The following MAML1 variants were observed in gnomAD, a reference collection of about 807,000 sequenced individuals.
MAML1 encodes mastermind-like protein 1.
Under a neutral mutation model 77.1 loss-of-function variants are expected in MAML1, and 14 were observed. That is an observed-to-expected ratio of 0.18 (90% CI 0.12 to 0.28). The LOEUF (loss-of-function observed/expected upper bound fraction) is 0.28, where lower values mean the gene tolerates loss of function less well. MAML1 is among the 10% of genes least tolerant of loss of function. The probability of loss-of-function intolerance (pLI) is 1.00; values close to 1 mark genes in which losing one functional copy is unlikely to be tolerated. For missense variants in MAML1, 1,217 were observed against 1,327.8 expected (o/e 0.92, Z 1.30); for synonymous variants, 516 against 551.9 (o/e 0.93, Z 0.91).
intron 1 of MAML1, among the ~76,000 whole-genome samples, chr5:179,764,667 A>T (rs933246822): frequency 6.6e-6 from 1 of 150,846 alleles, no homozygotes; most frequent in Non-Finnish European, 1.5e-5. Flanking sequence ...TCTCAAAAAA[A>T]AAAAAAGTGA....
At chr5:179,738,664 C>A (rs925110904) in intron 1 of MAML1, among the ~76,000 whole-genome samples, 1 of 152,196 alleles carries the variant, frequency 6.6e-6, no homozygotes, top group Non-Finnish European at 1.5e-5. Context: ...CTTTGCCCTT[C>A]CCACTTGAAC....
At chr5:179,738,462 G>A (rs567340322) in intron 1 of MAML1, among the ~76,000 whole-genome samples, 2 of 152,274 alleles carry the variant, frequency 1.3e-5, no homozygotes, top group Non-Finnish European at 2.9e-5. Flanking sequence ...GATGATCAGT[G>A]TGGCTTTAGG....
At chr5:179,754,888 CAGAA>C (rs939355794) in intron 1 of MAML1, among the ~76,000 whole-genome samples, 23 of 152,244 alleles carry the variant, frequency 1.5e-4, no homozygotes, top group African/African-American at 3.9e-4. Context: ...ATTTGAAGGA[CAGAA>C]AGTCTCAGAT....
intron 1 of MAML1, among the ~76,000 whole-genome samples, chr5:179,747,549 G>A (rs988892432): frequency 2.6e-5 from 4 of 152,218 alleles, no homozygotes; most frequent in East Asian, 1.9e-4. Flanking sequence ...GGTGGCTCAT[G>A]CCTGTAATCC....
intron 1 of MAML1, among the ~76,000 whole-genome samples, chr5:179,737,918 TC>T (rs1779203853): frequency 6.6e-6 from 1 of 152,228 alleles, no homozygotes; most frequent in South Asian, 2.1e-4. Flanking sequence ...CACCTCAGCC[TC>T]CTGAGTAGCT....
At chr5:179,767,118 T>TTTTTTTTTTTTTTTTTTTTTTTTA (rs1554151840) in intron 2 of MAML1, among the ~76,000 whole-genome samples, 1 of 128,552 alleles carries the variant, frequency 7.8e-6, no homozygotes. Flanking sequence ...TTTTTTTTTT[T>TTTTTTTTTTTTTTTTTTTTTTTTA]ACTACCTTTC....
At chr5:179,733,651 G>T (rs1779113402) in intron 1 of MAML1, among the ~76,000 whole-genome samples, 2 of 152,266 alleles carry the variant, frequency 1.3e-5, no homozygotes, top group African/African-American at 2.4e-5. Context: ...CCTTGCAGGA[G>T]GCCCGACCTG....
Position 179,777,050 on chromosome 5 carries a change from T to G in MAML1, c.*2173T>G, listed in dbSNP as rs1005050903. On this transcript the variant is annotated 3_prime_UTR_variant, in exon 5 of 5. Coordinates refer to ENST00000292599, the MANE Select transcript of MAML1 (RefSeq NM_014757.5). The stretch of plus-strand genomic sequence containing the variant: ...CTAGAGCTTCCAACTGTATATTTTT[T>G]ACTTTTATAGATTTTAAAACTATGA... 3 of 983,574 alleles carry G rather than the reference T, an allele frequency of 3.1e-6. No individual in the cohort carries two copies. Among genetic ancestry groups the G allele is most frequent in the East Asian group, 2.3e-4 (2 of 8,822 alleles). 60.9% of individuals were successfully genotyped at this position (983,574 alleles called of 1,614,324 possible). A position where few individuals can be genotyped will look rare whatever the true frequency, so the allele number is the denominator to read the frequency against.
At chr5:179,761,812 G>A (rs1183943500) in intron 1 of MAML1, among the ~76,000 whole-genome samples, 2 of 152,202 alleles carry the variant, frequency 1.3e-5, no homozygotes, top group Non-Finnish European at 2.9e-5. Context: ...ACAGTAGGAA[G>A]ATCATTGCTG....
intron 1 of MAML1, among the ~76,000 whole-genome samples, chr5:179,761,255 A>G (rs374666396): frequency 6.6e-6 from 1 of 151,772 alleles, no homozygotes; most frequent in East Asian, 1.9e-4. Flanking sequence ...TTAGCCAGTT[A>G]TGGTGGTTCA....
At position 179,765,505 on chromosome 5, in the gene MAML1, C is replaced by G. The variant is rs754468218; in HGVS notation, c.495C>G (p.Asp165Glu). ...CAGCCTCCCCCCTCGGTCAGTCTGA[C>G]AAGCCTTCTGGAGCCGACGCCCTGC... ...LPPASPLGQS[D>E]KPSGADALQS... The change falls in exon 2 of 5, where the codon GAC (aspartate) becomes GAG (glutamate). Residue 165 changes from aspartate to glutamate, a missense_variant. By Grantham distance (45) the Asp-to-Glu change is conservative (BLOSUM62 2). Transcript: ENST00000292599. 1.9e-6 allele frequency: 3 copies of G among 1,614,110 alleles called. No homozygotes were observed. Among genetic ancestry groups the G allele is most frequent in the Non-Finnish European group, 2.5e-6 (3 of 1,179,988 alleles).
At position 179,752,598 on chromosome 5, in the gene MAML1, C is replaced by CTTTTTTTTTTTT. The variant is rs1172970221; in HGVS notation, c.316-12713_316-12702dup. On this transcript the variant is annotated intron_variant, in intron 1 of 4. Transcript: ENST00000292599. ...TGAGTTTAACACTTTATTAGATACTCTTTTTTTTTTTTTTTTTTTTTTTTT... is the reference window on the plus strand; with the variant it reads ...TGAGTTTAACACTTTATTAGATACTCTTTTTTTTTTTTTTTTTTTTTTTTTTTTTTTTTTTTT... Among the ~76,000 whole-genome samples the CTTTTTTTTTTTT allele has an allele frequency of 2.4e-4, 17 of 71,820 alleles. 2 individuals are homozygous for CTTTTTTTTTTTT. Among genetic ancestry groups the CTTTTTTTTTTTT allele is most frequent in the African/African-American group, 8.7e-4 (17 of 19,638 alleles). The allele number at this position is 71,820 out of a possible 152,430, so 47.1% of individuals were successfully genotyped here.
At chr5:179,740,312 C>G in intron 1 of MAML1, among the ~76,000 whole-genome samples, 1 of 152,154 alleles carries the variant, frequency 6.6e-6, no homozygotes, top group Middle Eastern at 3.2e-3. Flanking sequence ...GCTCTGCTGA[C>G]CAGTCTGGAG....
Position 179,733,047 on chromosome 5 carries a change from A to G in MAML1, c.-66A>G. ...CGGAGAGGGGTAGCCGCGGGGAGCG[A>G]AGCCCGCAGTGCCAGCCGGCCCCGA... On this transcript the variant is annotated 5_prime_UTR_variant, in exon 1 of 5. Coordinates refer to ENST00000292599, the MANE Select transcript of MAML1 (RefSeq NM_014757.5). The G allele has an allele frequency of 9.7e-7, 1 of 1,026,236 alleles. No individual in the cohort carries two copies. 63.6% of individuals were successfully genotyped at this position (1,026,236 alleles called of 1,614,324 possible). A position where few individuals can be genotyped will look rare whatever the true frequency, so the allele number is the denominator to read the frequency against.
chr5:179,763,258 A>C (rs994197666), intron 1 of MAML1, among the ~76,000 whole-genome samples: 3 of 152,238 alleles, frequency 2.0e-5, no homozygotes, highest in South Asian at 2.1e-4. Flanking sequence ...TTCCACAAGG[A>C]AAACTTTTCA....
chr5:179,761,621 G>C (rs1779728118), intron 1 of MAML1, among the ~76,000 whole-genome samples: 1 of 152,084 alleles, frequency 6.6e-6, no homozygotes. Flanking sequence ...CTTGAACCTG[G>C]GAGGCAGAGG....
At chr5:179,746,516 G>A (rs1779387573) in intron 1 of MAML1, among the ~76,000 whole-genome samples, 1 of 151,872 alleles carries the variant, frequency 6.6e-6, no homozygotes, top group South Asian at 2.1e-4. Context: ...TGGGATTACA[G>A]GCATACGCCA....
intron 1 of MAML1, among the ~76,000 whole-genome samples, chr5:179,755,463 C>A (rs1015621007): frequency 6.6e-6 from 1 of 152,068 alleles, no homozygotes; most frequent in Non-Finnish European, 1.5e-5. Flanking sequence ...ATGTACAGTA[C>A]GACACAAATG....
Position 179,775,598 on chromosome 5 carries a change from C to G in MAML1, c.*721C>G. 1.0e-6 allele frequency: 1 copy of G among 985,448 alleles called. No individual in the cohort carries two copies. The highest frequency in any genetic ancestry group is 4.7e-5 in the South Asian group (1 of 21,290). The allele number at this position is 985,448 out of a possible 1,614,324, so 61.0% of individuals were successfully genotyped here. ...TCTTCCTAGCAGCTCCTCCTCCTCC[C>G]TCCCAAGGCCCCCAGGAATCCCTTC... On this transcript the variant is annotated 3_prime_UTR_variant, in exon 5 of 5. Coordinates refer to ENST00000292599, the MANE Select transcript of MAML1 (RefSeq NM_014757.5).
Sources: allele counts gnomAD v4.1 joint callset (sites outside exome capture counted in the v4.1 genomes callset), GRCh38; gene constraint gnomAD v4.1.1; transcripts MANE v1.5; gene names NCBI Gene and HGNC (gene_info 2026-07-23, HGNC 2026-07-21).